The following GPHN variants were observed in gnomAD, a reference collection of about 807,000 sequenced individuals.
GPHN encodes the protein gephyrin.
In GPHN, 17 loss-of-function variants were observed where a neutral mutation model predicts 95.5. The ratio of observed to expected loss-of-function variants is 0.18; its 90% CI spans 0.12 to 0.27. The LOEUF (loss-of-function observed/expected upper bound fraction) is 0.27. Ranked by LOEUF, GPHN falls within the 10% of genes least tolerant of loss-of-function variation. GPHN has a pLI of 1.00. For missense variants in GPHN, 660 were observed against 978.1 expected, an observed-to-expected ratio of 0.67 and a Z score of 4.34; for synonymous variants, 320 against 322.5, an observed-to-expected ratio of 0.99 and a Z score of 0.08.
the GPHN span, chr14:67,690,035 G>A: frequency 1.7e-6 from 1 of 589,678 alleles, no homozygotes; most frequent in Non-Finnish European, 3.0e-6. Context: ...GAGTCTCACT[G>A]TCCCAGCCAG....
At chr14:67,225,973 G>T in the GPHN span, among the ~76,000 whole-genome samples, 16 of 144,890 alleles carry the variant, frequency 1.1e-4, no homozygotes, top group Non-Finnish European at 7.6e-5. Flanking sequence ...GCGCGCGCGC[G>T]CGTGCGCATG....
chr14:67,151,806 G>A (rs2081303125), intron 18 of GPHN, among the ~76,000 whole-genome samples: 1 of 152,102 alleles, frequency 6.6e-6, no homozygotes, highest in Non-Finnish European at 1.5e-5. Flanking sequence ...ATCATGCCTG[G>A]CTAATTTTTG....
intron 8 of GPHN, among the ~76,000 whole-genome samples, chr14:66,940,531 A>G (rs970281266): frequency 3.9e-5 from 6 of 152,188 alleles, no homozygotes; most frequent in African/African-American, 1.4e-4. Flanking sequence ...GGTGGGAGGT[A>G]TCAGCTTTTA....
At chr14:67,677,363 A>ATTTTTTTTTTTT in the GPHN span, 26 of 31,976 alleles carry the variant, frequency 8.1e-4, 1 homozygote, top group Non-Finnish European at 1.1e-3. Context: ...TGTTTTTAGG[A>ATTTTTTTTTTTT]TTTTTTTTTT....
At chr14:66,628,111 G>T (rs891206921) in intron 1 of GPHN, among the ~76,000 whole-genome samples, 1 of 151,892 alleles carries the variant, frequency 6.6e-6, no homozygotes, top group African/African-American at 2.4e-5. Context: ...GAAAAATCAG[G>T]GATCTAAGTT....
intron 1 of GPHN, among the ~76,000 whole-genome samples, chr14:66,647,322 C>T (rs1009742891): frequency 6.6e-6 from 1 of 150,476 alleles, no homozygotes; most frequent in African/African-American, 2.5e-5. Flanking sequence ...AATTTAAAAT[C>T]CTTTTAAAAA....
At position 66,968,118 on chromosome 14, in the gene GPHN, T is replaced by A. The variant is rs2069477847; in HGVS notation, c.963+2793T>A. On this transcript the variant is annotated intron_variant, in intron 9 of 22. Coordinates refer to ENST00000478722, the MANE Select transcript of GPHN (RefSeq NM_020806.5). The stretch of plus-strand genomic sequence containing the variant: ...AAGACCATAGATTTTAGCACCGAGC[T>A]CTGTTTAATAAAAAATTAAAATTTA... Among the ~76,000 whole-genome samples, 4 of 151,960 alleles carry A rather than the reference T, an allele frequency of 2.6e-5. No homozygotes were observed. In the South Asian group the frequency reaches 8.3e-4, roughly 32 times the overall value.
chr14:67,614,090 C>T, the GPHN span, among the ~76,000 whole-genome samples: 1 of 152,078 alleles, frequency 6.6e-6, no homozygotes, highest in East Asian at 1.9e-4. Flanking sequence ...TACACACCAC[C>T]ACACCCAGCT....
intron 1 of GPHN, among the ~76,000 whole-genome samples, chr14:66,547,597 T>A (rs746398822): frequency 6.6e-6 from 1 of 152,226 alleles, no homozygotes. Context: ...CTTATAAAAC[T>A]CTTTTGTTAT....
intron 2 of GPHN, among the ~76,000 whole-genome samples, chr14:66,719,555 G>T (rs1238120544): frequency 6.6e-6 from 1 of 152,118 alleles, no homozygotes; most frequent in East Asian, 1.9e-4. Context: ...CGGGTTTCCT[G>T]ATTTATTCCT....
At chr14:66,923,014 C>A in intron 7 of GPHN, 76 bp downstream of exon 7, 1 of 1,233,746 alleles carries the variant, frequency 8.1e-7, no homozygotes, top group Non-Finnish European at 1.2e-6. Flanking sequence ...TTTTGCATCG[C>A]ATCCCTCCCT....
the GPHN span, chr14:67,349,060 C>T: frequency 2.0e-5 from 33 of 1,613,898 alleles, no homozygotes; most frequent in East Asian, 4.5e-5. Context: ...TTTCTTCGCT[C>T]GAATCTTCAC....
chr14:66,562,566 C>G (rs992908191), intron 1 of GPHN, among the ~76,000 whole-genome samples: 2 of 152,044 alleles, frequency 1.3e-5, no homozygotes, highest in Non-Finnish European at 2.9e-5. Flanking sequence ...ATTAGTAACT[C>G]AAAGCGTTTG....
chr14:67,227,441 A>C, the GPHN span: 1 of 96,406 alleles, frequency 1.0e-5, no homozygotes, highest in Non-Finnish European at 1.8e-5. Flanking sequence ...TGCTGTCTCA[A>C]AAAAAAAAAA....
chr14:67,445,577 C>CTTTTTTTTTT, the GPHN span, among the ~76,000 whole-genome samples: 68 of 59,934 alleles, frequency 1.1e-3, 10 homozygotes, highest in African/African-American at 2.2e-3. Context: ...AGAGGCAATT[C>CTTTTTTTTTT]TTTTTTTTTT....
chr14:67,216,356 T>A, the GPHN span, among the ~76,000 whole-genome samples: 1 of 152,088 alleles, frequency 6.6e-6, no homozygotes, highest in Non-Finnish European at 1.5e-5. Context: ...AATGAGTTAA[T>A]CACGTTTTGT....
At chr14:67,122,233 G>T in intron 16 of GPHN, 23 bp from the exon 17 acceptor site, 2 of 1,611,260 alleles carry the variant, frequency 1.2e-6, no homozygotes, top group Non-Finnish European at 1.7e-6. Flanking sequence ...AGAATAATTT[G>T]TGGTGGTTTT....
chr14:67,658,438 C>CA, the GPHN span, among the ~76,000 whole-genome samples: 12 of 150,662 alleles, frequency 8.0e-5, no homozygotes, highest in South Asian at 2.1e-4. Flanking sequence ...ACTAAAAGTA[C>CA]AAAAAAAAAT....
At chr14:67,193,562 T>TATCTATATAGATATAG in the GPHN span, among the ~76,000 whole-genome samples, 1 of 144,780 alleles carries the variant, frequency 6.9e-6, no homozygotes, top group Non-Finnish European at 1.5e-5. Flanking sequence ...TATAGATCTA[T>TATCTATATAGATATAG]ATCTATATAG....
Sources: allele counts gnomAD v4.1 joint callset (sites outside exome capture counted in the v4.1 genomes callset), GRCh38; gene constraint gnomAD v4.1.1; transcripts MANE v1.5; gene names NCBI Gene and HGNC (gene_info 2026-07-23, HGNC 2026-07-21).